Variants in ZNF425 observed in about 807,000 individuals in gnomAD.
ZNF425 encodes zinc finger protein 425.
In ZNF425, 21 loss-of-function variants were observed where a neutral mutation model predicts 17.0. The ratio of observed to expected loss-of-function variants is 1.23; its 90% CI spans 0.88 to 1.78. The LOEUF (loss-of-function observed/expected upper bound fraction) is 1.78. Ranked by LOEUF, ZNF425 falls within the 40% of genes most tolerant of loss-of-function variation. ZNF425 has a pLI of 0.00. For missense variants in ZNF425, 868 were observed against 967.3 expected (o/e 0.90, Z 1.36); for synonymous variants, 433 against 384.1 (o/e 1.13, Z -1.49).
intron 3 of ZNF425, among the ~76,000 whole-genome samples, chr7:149,105,955 TC>T (rs1379457400): frequency 1.7e-3 from 143 of 82,932 alleles, no homozygotes; most frequent in African/African-American, 5.8e-3. Flanking sequence ...AAAATTTTTT[TC>T]CTTTTTTTTT....
At position 149,112,267 on chromosome 7, in the gene ZNF425, G is replaced by A; in HGVS notation, c.174C>T (p.Ile58=). ...GCATTCTCCCTTGTTCCATCCATGT[G>A]ATCAAATCTGGCTTGGAAAAAGCAT... ...LGYAFSKPDL[I]TWMEQGRMLL... The change falls in exon 3 of 4, where the codon ATC becomes ATT. Residue 58 remains isoleucine (I), a synonymous_variant. Coordinates refer to ENST00000378061, the MANE Select transcript of ZNF425 (RefSeq NM_001001661.3). 1 of 1,613,862 alleles carries A rather than the reference G, an allele frequency of 6.2e-7. No homozygotes were observed.
chr7:149,123,984 AC>A (rs1335447314), intron 1 of ZNF425, among the ~76,000 whole-genome samples: 180 of 145,476 alleles, frequency 1.2e-3, no homozygotes, highest in Non-Finnish European at 2.0e-3. Context: ...AGTAGCTGGG[AC>A]TACAGGCGCC....
chr7:149,112,371 C>A (rs748263160), intron 2 of ZNF425, 76 bp from the exon 3 acceptor site: 1 of 1,337,454 alleles, frequency 7.5e-7, no homozygotes, highest in Non-Finnish European at 1.0e-6. Flanking sequence ...TGGTGGCTCA[C>A]GCCTGTAATC....
At chr7:149,107,724 T>G (rs914307745) in intron 3 of ZNF425, among the ~76,000 whole-genome samples, 3 of 152,012 alleles carry the variant, frequency 2.0e-5, no homozygotes, top group Non-Finnish European at 1.5e-5. Context: ...GAGTTATCAT[T>G]ATTACCCACT....
intron 3 of ZNF425, among the ~76,000 whole-genome samples, chr7:149,105,794 G>C (rs574226049): frequency 3.3e-5 from 5 of 151,998 alleles, no homozygotes; most frequent in Admixed American, 3.3e-4. Context: ...GGGACGACAG[G>C]CGCCCGCCAC....
chr7:149,125,218 T>C (rs1045066105), intron 1 of ZNF425, among the ~76,000 whole-genome samples: 2 of 152,192 alleles, frequency 1.3e-5, no homozygotes, highest in Non-Finnish European at 2.9e-5. Context: ...ATTACATTCC[T>C]AAGATTATAA....
chr7:149,126,291 C>T lies in ZNF425; in HGVS notation c.-78G>A, dbSNP rs75179634. The T allele has an allele frequency of 7.1e-3, 10,963 of 1,549,298 alleles. 617 individuals are homozygous for T. In the African/African-American group the frequency reaches 0.13, roughly 18 times the overall value. ...CCCAACCCAACTCCCAGGTACAGCC[C>T]TGCTGGCCCCCAAAGGCAGAGCCGG... On this transcript the variant is annotated 5_prime_UTR_variant, in exon 1 of 4. Transcript: ENST00000378061.
At chr7:149,117,028 T>G (rs145020445) in intron 2 of ZNF425, among the ~76,000 whole-genome samples, 2,118 of 152,144 alleles carry the variant, frequency 0.014, 18 homozygotes, top group African/African-American at 0.025. Context: ...TTTGGGAGGC[T>G]GAGGTGAGCA....
intron 2 of ZNF425, among the ~76,000 whole-genome samples, chr7:149,115,941 A>G (rs984305971): frequency 6.6e-6 from 1 of 152,230 alleles, no homozygotes; most frequent in African/African-American, 2.4e-5. Flanking sequence ...TGGATGTTCT[A>G]TACGGAAAAT....
intron 3 of ZNF425, among the ~76,000 whole-genome samples, chr7:149,110,210 C>T (rs1005989179): frequency 4.0e-5 from 6 of 151,760 alleles, no homozygotes; most frequent in Non-Finnish European, 7.4e-5. Flanking sequence ...GGGGCTTGGA[C>T]ACACTTCCTG....
rs200244523 is a variant in ZNF425 at position 149,112,146 on chromosome 7, G to A, written c.295C>T (p.Leu99=). 9.3e-6 allele frequency: 15 copies of A among 1,613,094 alleles called. No individual in the cohort carries two copies. Among genetic ancestry groups the A allele is most frequent in the Non-Finnish European group, 8.5e-7 (1 of 1,179,648 alleles). ...QLNMKNTGKL[L]CFDDEGTPRT... ...AATCCATCTTACTCACCAAAACATA[G>A]CAACTTTCCAGTATTCTTCATGTTC... Residue 99 remains leucine (L), a synonymous_variant, in exon 3 of 4, where the codon CTA becomes TTA. Transcript: ENST00000378061.
Position 149,113,804 on chromosome 7 carries a change from G to A in ZNF425, c.146-1509C>T, listed in dbSNP as rs545077435. ...CTGACCTCGTGATCCACCCACCTTG[G>A]CCTCCCAAAGTGCTGGGATTACAGG... On this transcript the variant is annotated intron_variant, in intron 2 of 3. Transcript: ENST00000378061. 3.3e-5 allele frequency among the ~76,000 whole-genome samples: 5 copies of A among 151,672 alleles called. No individual in the cohort carries two copies. In the South Asian group the frequency reaches 1.0e-3, roughly 32 times the overall value.
chr7:149,110,572 A>G (rs1175629855), intron 3 of ZNF425, among the ~76,000 whole-genome samples: 2 of 151,816 alleles, frequency 1.3e-5, no homozygotes, highest in Non-Finnish European at 2.9e-5. Flanking sequence ...TCTCACAAAA[A>G]AAAAAAAAAG....
In ZNF425 at chr7:149,117,642, C is replaced by CTTTT. The variant is rs869026303; in HGVS notation, c.145+576_145+579dup. On this transcript the variant is annotated intron_variant, in intron 2 of 3. Transcript: ENST00000378061. ...GGGGCAATTAGATTACTTAGTAATT[C>CTTTT]TTTTTTTTTTTTTTTTTTTTTTTTT... is the stretch of plus-strand genomic sequence containing the variant. 6.5e-3 allele frequency among the ~76,000 whole-genome samples: 358 copies of CTTTT among 54,996 alleles called. 68 individuals carry two copies. The highest frequency in any genetic ancestry group is 0.021 in the East Asian group (29 of 1,408). The allele number at this position is 54,996 out of a possible 152,430, so 36.1% of individuals were successfully genotyped here. A position where few individuals can be genotyped will look rare whatever the true frequency, so the allele number is the denominator to read the frequency against.
chr7:149,112,973 C>CTT (rs35291501), intron 2 of ZNF425, among the ~76,000 whole-genome samples: 2,013 of 123,910 alleles, frequency 0.016, 103 homozygotes, highest in African/African-American at 0.061. Context: ...CCCCGTGACC[C>CTT]TTTTTTTTTT....
At chr7:149,116,601 T>C (rs1169908231) in intron 2 of ZNF425, among the ~76,000 whole-genome samples, 1 of 152,122 alleles carries the variant, frequency 6.6e-6, no homozygotes. Context: ...TGATTCATTC[T>C]CCACATAGCA....
At chr7:149,118,373 T>C (rs747259931) in intron 1 of ZNF425, 25 bp from the exon 2 acceptor site, 17 of 1,611,602 alleles carry the variant, frequency 1.1e-5, no homozygotes, top group South Asian at 5.5e-5. Context: ...AGTATACACA[T>C]ACATTTTTAC....
intron 1 of ZNF425, among the ~76,000 whole-genome samples, chr7:149,122,630 T>C (rs562013066): frequency 6.6e-6 from 1 of 152,304 alleles, no homozygotes; most frequent in African/African-American, 2.4e-5. Context: ...TTCCAAAGAT[T>C]TTCTCCAGTG....
At chr7:149,116,442 C>T (rs1826267330) in intron 2 of ZNF425, among the ~76,000 whole-genome samples, 1 of 152,136 alleles carries the variant, frequency 6.6e-6, no homozygotes, top group South Asian at 2.1e-4. Context: ...TCTAATCCAT[C>T]AGCAAAATCT....
Sources: allele counts gnomAD v4.1 joint callset (sites outside exome capture counted in the v4.1 genomes callset), GRCh38; gene constraint gnomAD v4.1.1; transcripts MANE v1.5; gene names NCBI Gene and HGNC (gene_info 2026-07-23, HGNC 2026-07-21).